Variants in CA14 observed in about 807,000 individuals in gnomAD.
CA14 encodes the protein carbonic anhydrase 14.
In CA14, 44 loss-of-function variants were observed where a neutral mutation model predicts 48.8. That is an observed-to-expected ratio of 0.90 (90% CI 0.71 to 1.16). CA14 has a LOEUF of 1.16. CA14 is among the 50% of genes most tolerant of loss of function. The probability of loss-of-function intolerance (pLI) is 0.00; values close to 1 mark genes in which losing one functional copy is unlikely to be tolerated. For missense variants in CA14, 386 were observed against 401.0 expected, an observed-to-expected ratio of 0.96 and a Z score of 0.32; for synonymous variants, 154 against 155.0, an observed-to-expected ratio of 0.99 and a Z score of 0.05.
In CA14 at chr1:150,262,130, C is replaced by T. The variant is rs1357332899; in HGVS notation, c.257-28C>T. 8.1e-6 allele frequency: 13 copies of T among 1,613,756 alleles called. No individual in the cohort carries two copies. The African/African-American group carries it at 1.7e-4, about 22-fold the overall frequency. ...TGGGAATGTATCCACATGCCTCCAC[C>T]AATCCGAGTTTGCTCTTTTCCTCAC... On this transcript the variant is annotated intron_variant, in intron 3 of 10. Transcript: ENST00000369111.
Position 150,264,736 on chromosome 1 carries a change from T to A in CA14, c.*77T>A. 8.8e-7 allele frequency: 1 copy of A among 1,138,790 alleles called. No individual in the cohort carries two copies. Among genetic ancestry groups the A allele is most frequent in the African/African-American group, 1.5e-5 (1 of 65,458 alleles). 70.5% of individuals were successfully genotyped at this position (1,138,790 alleles called of 1,614,324 possible). ...GAAGCCTCTAAAATGGGGTGTAGGATCTGGCCAGAAACACTGTAGGAGTAG... is the reference window on the plus strand; with the variant it reads ...GAAGCCTCTAAAATGGGGTGTAGGAACTGGCCAGAAACACTGTAGGAGTAG... On this transcript the variant is annotated 3_prime_UTR_variant, in exon 11 of 11. Transcript: ENST00000369111.
At chr1:150,261,364 T>C in intron 2 of CA14, 95 bp from the exon 3 acceptor site, 1 of 1,092,964 alleles carries the variant, frequency 9.1e-7, no homozygotes, top group South Asian at 1.4e-5. Flanking sequence ...CACAGATGTA[T>C]GGCTTGGTTA....
Position 150,260,179 on chromosome 1 carries a change from G to C in CA14, c.76+8G>C. ...AACACTGGACGTATGAGGGTGAGCAGATCTCAAGGCCTCCCGACAACCCTT... is the reference window on the plus strand; with the variant it reads ...AACACTGGACGTATGAGGGTGAGCACATCTCAAGGCCTCCCGACAACCCTT... On this transcript the variant is annotated splice_region_variant and intron_variant, in intron 2 of 10. Transcript: ENST00000369111. The C allele has an allele frequency of 1.2e-6, 2 of 1,613,936 alleles. No homozygotes were observed. Among genetic ancestry groups the C allele is most frequent in the Non-Finnish European group, 1.7e-6 (2 of 1,179,856 alleles).
At position 150,263,413 on chromosome 1, in the gene CA14, A is replaced by G; in HGVS notation, c.835A>G (p.Ile279Val). The G allele has an allele frequency of 1.2e-6, 2 of 1,614,040 alleles. No homozygotes were observed. The highest frequency in any genetic ancestry group is 2.7e-5 in the African/African-American group (2 of 75,030). Residue 279 changes from isoleucine (I) to valine (V), a missense_variant, in exon 8 of 11, where the codon ATC (isoleucine) becomes GTC (valine). Ile to Val is a conservative substitution (Grantham distance 29). Transcript: ENST00000369111. Reference sequence around the variant, plus strand: ...TCAGCGCATGGTCTTTGCTTCTTTCATCCAAGGTGATTCTGCACGGCTCAG... The same window carrying G: ...TCAGCGCATGGTCTTTGCTTCTTTCGTCCAAGGTGATTCTGCACGGCTCAG... Reference protein sequence around the residue: ...LNQRMVFASFIQAGSSYTTGE... With the variant: ...LNQRMVFASFVQAGSSYTTGE...
At chr1:150,263,621 G>A (rs375887480) in intron 8 of CA14, 38 bp from the exon 9 acceptor site, 156 of 1,613,028 alleles carry the variant, frequency 9.7e-5, no homozygotes, top group Non-Finnish European at 1.3e-4. Context: ...CTGGGATGGG[G>A]ATCTGAAGTC....
Position 150,260,711 on chromosome 1 carries a change from G to T in CA14, c.76+540G>T, listed in dbSNP as rs148103516. 633 of 170,600 alleles carry T rather than the reference G, an allele frequency of 3.7e-3. 2 individuals carry two copies. The highest frequency in any genetic ancestry group is 6.3e-3 in the Non-Finnish European group (506 of 80,688). The allele number at this position is 170,600 out of a possible 1,614,324, so 10.6% of individuals were successfully genotyped here. On this transcript the variant is annotated intron_variant, in intron 2 of 10. Coordinates refer to ENST00000369111, the MANE Select transcript of CA14 (RefSeq NM_012113.3). Reference sequence around the variant, plus strand: ...GAAGTCAGGATATCTGAATCCCAAGGCCACTTGATAGGGGCCTCCAGGAGA... The same window carrying T: ...GAAGTCAGGATATCTGAATCCCAAGTCCACTTGATAGGGGCCTCCAGGAGA...
Position 150,262,793 on chromosome 1 carries a change from T to C in CA14, c.496-11T>C. 1.9e-6 allele frequency: 3 copies of C among 1,599,424 alleles called. No individual in the cohort carries two copies. The highest frequency in any genetic ancestry group is 2.6e-6 in the Non-Finnish European group (3 of 1,166,534). ...CTCATTCCAAACTCTCTCCCTTTCCTTCTCTTCCAGGTGGGTGAGACTAAG... is the reference window on the plus strand; with the variant it reads ...CTCATTCCAAACTCTCTCCCTTTCCCTCTCTTCCAGGTGGGTGAGACTAAG... On this transcript the variant is annotated splice_polypyrimidine_tract_variant and intron_variant, in intron 5 of 10. Coordinates refer to ENST00000369111, the MANE Select transcript of CA14 (RefSeq NM_012113.3).
chr1:150,259,935 C>A (rs1449213369), intron 1 of CA14, among the ~76,000 whole-genome samples: 1 of 152,194 alleles, frequency 6.6e-6, no homozygotes, highest in Non-Finnish European at 1.5e-5. Flanking sequence ...TCGGCAGGCA[C>A]CAACACAGCC....
At position 150,260,044 on chromosome 1, in the gene CA14, C is replaced by T; in HGVS notation, c.56-107C>T. 4 of 1,064,832 alleles carry T rather than the reference C, an allele frequency of 3.8e-6. No homozygotes were observed. In the East Asian group the frequency reaches 9.7e-5, roughly 26 times the overall value. The allele number at this position is 1,064,832 out of a possible 1,614,324, so 66.0% of individuals were successfully genotyped here. On this transcript the variant is annotated intron_variant, in intron 1 of 10. Transcript: ENST00000369111. The stretch of plus-strand genomic sequence containing the variant: ...GCTGGAGCAGAGGGAGGAGAGACTG[C>T]AGAGAGGGAGGTGGAGCAGTACAGA...
chr1:150,259,397 G>T (rs587649955), intron 1 of CA14, among the ~76,000 whole-genome samples: 1 of 152,228 alleles, frequency 6.6e-6, no homozygotes, highest in South Asian at 2.1e-4. Context: ...CGAGAGCCTG[G>T]CATGTGACCC....
intron 1 of CA14, 23 bp from the exon 2 acceptor site, chr1:150,260,128 A>G: frequency 6.2e-7 from 1 of 1,612,742 alleles, no homozygotes; most frequent in East Asian, 2.2e-5. Context: ...GCTGGCTGTA[A>G]CCCAAACTAT....
intron 5 of CA14, 43 bp from the exon 6 acceptor site, chr1:150,262,761 A>C: frequency 6.6e-7 from 1 of 1,504,198 alleles, no homozygotes; most frequent in Non-Finnish European, 9.3e-7. Context: ...CTTATTCCAA[A>C]CATGGACTCA....
chr1:150,263,148 G>C lies in CA14; in HGVS notation c.669G>C (p.Gln223His). 1 of 1,614,146 alleles carries C rather than the reference G, an allele frequency of 6.2e-7. No individual in the cohort carries two copies. ...NGSLTTPPCY[Q>H]SVLWTVFYRR... ...CGCTCACAACTCCCCCTTGCTACCA[G>C]AGTGTGCTCTGGACAGTTTTTTATA... Residue 223 changes from glutamine to histidine, a missense_variant, in exon 7 of 11, where the codon CAG (glutamine) becomes CAC (histidine). By Grantham distance (24) the Gln-to-His change is conservative. Coordinates refer to ENST00000369111, the MANE Select transcript of CA14 (RefSeq NM_012113.3).
At chr1:150,262,672 T>G in intron 5 of CA14, 52 bp downstream of exon 5, 1 of 1,467,992 alleles carries the variant, frequency 6.8e-7, no homozygotes, top group Non-Finnish European at 9.6e-7. Context: ...TCTGCAACCC[T>G]CAAACCTATT....
At chr1:150,260,555 G>C in intron 2 of CA14, 1 of 354,886 alleles carries the variant, frequency 2.8e-6, no homozygotes, top group Non-Finnish European at 5.5e-6. Flanking sequence ...CAGGGGTGAG[G>C]AAGAGGCTGG....
chr1:150,260,164 G>T lies in CA14; in HGVS notation c.69G>T (p.Thr23=), dbSNP rs781807174. ...TCTGCCTTGCAGGTCAACACTGGAC[G>T]TATGAGGGTGAGCAGATCTCAAGGC... The part of the protein sequence containing the change: ...ILAADGGQHW[T]YEGPHGQDHW... Residue 23 remains threonine (T), a synonymous_variant, in exon 2 of 11, where the codon ACG becomes ACT. Transcript: ENST00000369111. 4 of 1,613,892 alleles carry T rather than the reference G, an allele frequency of 2.5e-6. No individual in the cohort carries two copies. Among genetic ancestry groups the T allele is most frequent in the Admixed American group, 1.7e-5 (1 of 60,016 alleles).
At chr1:150,259,034 G>A (rs1650779081) in intron 1 of CA14, among the ~76,000 whole-genome samples, 1 of 152,094 alleles carries the variant, frequency 6.6e-6, no homozygotes, top group Non-Finnish European at 1.5e-5. Context: ...AGGAGGAAGA[G>A]ACAGAATAAG....
At position 150,258,134 on chromosome 1, in the gene CA14, G is replaced by A. The variant is rs1650700445; in HGVS notation, c.6G>A (p.Leu2=). The part of the protein sequence containing the change: M[L]FSALLLEVIW... ...GCACCCCTTCCTGGGACACTATGTT[G>A]TTCTCCGCCCTCCTGCTGGAGGTGA... The change falls in exon 1 of 11, where the codon TTG becomes TTA. Residue 2 remains leucine (L), a synonymous_variant. Coordinates refer to ENST00000369111, the MANE Select transcript of CA14 (RefSeq NM_012113.3). 2 of 1,609,898 alleles carry A rather than the reference G, an allele frequency of 1.2e-6. No homozygotes were observed. The highest frequency in any genetic ancestry group is 1.7e-6 in the Non-Finnish European group (2 of 1,177,534).
chr1:150,261,147 T>G (rs1253924742), intron 2 of CA14: 1 of 361,926 alleles, frequency 2.8e-6, no homozygotes, highest in East Asian at 5.4e-5. Flanking sequence ...ATGCATCCCC[T>G]CTGCCCTCAT....
Sources: gnomAD v4.1 joint callset for allele counts (sites outside exome capture counted in the v4.1 genomes callset) on GRCh38, gnomAD v4.1.1 for gene constraint, MANE v1.5 for transcripts, NCBI Gene and HGNC (gene_info 2026-07-23, HGNC 2026-07-21) for gene names.